SYT1: variants seen among roughly 807,000 people sequenced by gnomAD.
SYT1 encodes synaptotagmin 1.
A neutral mutation model predicts 44.8 loss-of-function variants in SYT1; 8 were observed. The ratio of observed to expected loss-of-function variants is 0.18; its 90% CI spans 0.10 to 0.32. The LOEUF is 0.32. SYT1 is among the 10% of genes least tolerant of loss of function. SYT1 has a pLI of 1.00. For missense variants in SYT1, 286 were observed against 509.3 expected (o/e 0.56, Z 4.22); for synonymous variants, 154 against 188.8 (o/e 0.82, Z 1.51).
At chr12:79,153,634 T>C (rs939855651) in intron 3 of SYT1, among the ~76,000 whole-genome samples, 6 of 152,162 alleles carry the variant, frequency 3.9e-5, no homozygotes, top group African/African-American at 1.2e-4. Context: ...CTTCTTACTA[T>C]AATGGTTATT....
chr12:78,897,560 G>A (rs1178349218), intron 1 of SYT1, among the ~76,000 whole-genome samples: 1 of 151,996 alleles, frequency 6.6e-6, no homozygotes, highest in Non-Finnish European at 1.5e-5. Context: ...CCTTTAAAAT[G>A]AATAGTCAGA....
At chr12:79,389,512 T>C (rs559676191) in intron 9 of SYT1, among the ~76,000 whole-genome samples, 46 of 152,202 alleles carry the variant, frequency 3.0e-4, no homozygotes, top group Non-Finnish European at 5.3e-4. Context: ...ACAGTAACCC[T>C]ATATGGTAGG....
intron 9 of SYT1, among the ~76,000 whole-genome samples, chr12:79,440,839 A>G (rs1593069256): frequency 6.6e-6 from 1 of 152,192 alleles, no homozygotes; most frequent in Admixed American, 6.5e-5. Context: ...ATTTCCATTT[A>G]GAGAACTCAA....
At chr12:79,360,243 T>A (rs1490906248) in intron 9 of SYT1, among the ~76,000 whole-genome samples, 1 of 152,164 alleles carries the variant, frequency 6.6e-6, no homozygotes, top group Non-Finnish European at 1.5e-5. Context: ...TTGCTTTATA[T>A]AATGGAATTT....
At chr12:79,149,496 A>G (rs1870130142) in intron 3 of SYT1, among the ~76,000 whole-genome samples, 1 of 152,184 alleles carries the variant, frequency 6.6e-6, no homozygotes, top group African/African-American at 2.4e-5. Flanking sequence ...ATTATCCCTA[A>G]CAATGTTTAG....
At chr12:78,897,397 A>ATTGGT (rs550853911) in intron 1 of SYT1, among the ~76,000 whole-genome samples, 1 of 151,940 alleles carries the variant, frequency 6.6e-6, no homozygotes, top group Non-Finnish European at 1.5e-5. Context: ...CAGAAGCTAG[A>ATTGGT]TTGTTTTGTT....
chr12:78,934,124 G>T (rs964209086), intron 1 of SYT1, among the ~76,000 whole-genome samples: 26 of 151,220 alleles, frequency 1.7e-4, no homozygotes, highest in African/African-American at 6.3e-4. Flanking sequence ...ATACATATGT[G>T]TGTGTATATA....
intron 5 of SYT1, 82 bp from the exon 6 acceptor site, chr12:79,291,926 G>A (rs1244125144): frequency 7.8e-6 from 12 of 1,540,500 alleles, no homozygotes; most frequent in Middle Eastern, 1.7e-4. Flanking sequence ...CGAACAGCTT[G>A]GAAGTGTAAC....
intron 1 of SYT1, among the ~76,000 whole-genome samples, chr12:78,941,055 C>CTTTTTTTTTCTTTTTTTTTTTT (rs1878328643): frequency 1.2e-5 from 1 of 86,020 alleles, no homozygotes; most frequent in African/African-American, 3.3e-5. Context: ...CTTTTTTTTT[C>CTTTTTTTTTCTTTTTTTTTTTT]TTTTTTTTTC....
chr12:79,166,032 A>G (rs939146559), intron 3 of SYT1, among the ~76,000 whole-genome samples: 2 of 152,022 alleles, frequency 1.3e-5, no homozygotes, highest in East Asian at 1.9e-4. Context: ...CAAACCAAAG[A>G]CAATAATCAA....
intron 1 of SYT1, among the ~76,000 whole-genome samples, chr12:78,948,663 A>G (rs1195623147): frequency 2.7e-5 from 4 of 150,224 alleles, no homozygotes; most frequent in African/African-American, 1.0e-4. Context: ...GGTTTGACTG[A>G]CAGTTTCTCA....
At chr12:79,278,162 A>T (rs1878839459) in intron 4 of SYT1, among the ~76,000 whole-genome samples, 1 of 152,066 alleles carries the variant, frequency 6.6e-6, no homozygotes. Flanking sequence ...GAACAAATGG[A>T]CCTAACAAAT....
chr12:79,430,769 G>A (rs538814322), intron 9 of SYT1, among the ~76,000 whole-genome samples: 1 of 152,288 alleles, frequency 6.6e-6, no homozygotes, highest in South Asian at 2.1e-4. Flanking sequence ...CTGGGCAACA[G>A]AGCAAGACTC....
At chr12:79,126,165 A>T (rs1016235398) in intron 3 of SYT1, among the ~76,000 whole-genome samples, 1 of 152,264 alleles carries the variant, frequency 6.6e-6, no homozygotes, top group Admixed American at 6.5e-5. Context: ...ATAAAAATTA[A>T]TATCAGCACA....
chr12:79,014,622 T>A lies in SYT1; in HGVS notation c.-83-32675T>A, dbSNP rs371986746. Reference sequence around the variant, plus strand: ...CTTTTACACTGTTGGTGGGACTGTATACTAGTTCAACCATGTGGAAGTCAG... The same window carrying A: ...CTTTTACACTGTTGGTGGGACTGTAAACTAGTTCAACCATGTGGAAGTCAG... On this transcript the variant is annotated intron_variant, in intron 2 of 10. Coordinates refer to ENST00000261205, the MANE Select transcript of SYT1 (RefSeq NM_005639.3). 2.3e-3 allele frequency among the ~76,000 whole-genome samples: 345 copies of A among 152,120 alleles called. 11 individuals carry two copies. The South Asian group carries it at 0.049, about 22-fold the overall frequency.
intron 7 of SYT1, 80 bp downstream of exon 7, chr12:79,296,316 C>A: frequency 7.2e-7 from 1 of 1,398,374 alleles, no homozygotes; most frequent in Non-Finnish European, 9.7e-7. Flanking sequence ...CATACATAGA[C>A]ATGCACATGA....
Position 79,444,065 on chromosome 12 carries a change from T to C in SYT1, c.929-8T>C, listed in dbSNP as rs200770806. 6.6e-5 allele frequency: 106 copies of C among 1,612,292 alleles called. No individual in the cohort carries two copies. The African/African-American group carries it at 1.3e-3, about 21-fold the overall frequency. On this transcript the variant is annotated splice_region_variant and splice_polypyrimidine_tract_variant and intron_variant, in intron 9 of 10. Transcript: ENST00000261205. ...TCTCCTAAAGTTTGTTTCCTGTTTT[T>C]CATTCAGATCCTTATGTGAAGATTC...
rs769159446 is a variant in SYT1, at chr12:79,296,252, T to A, written c.642+16T>A. On this transcript the variant is annotated intron_variant, in intron 7 of 10. Transcript: ENST00000261205. ...TACTTTCAAGGTATTTGTTAACATT[T>A]ATTTATAACCTTTCCTTTGTTGTTT... 3 of 1,609,036 alleles carry A rather than the reference T, an allele frequency of 1.9e-6. No homozygotes were observed. Among genetic ancestry groups the A allele is most frequent in the Non-Finnish European group, 1.7e-6 (2 of 1,177,566 alleles).
At position 79,163,370 on chromosome 12, in the gene SYT1, C is replaced by A. The variant is rs191766039; in HGVS notation, c.-17-54133C>A. ...CATCAATTTATCTGGCTCATGGGGGCCTTGCACTCCACATGGCTTCCTTTC... is the reference window on the plus strand; with the variant it reads ...CATCAATTTATCTGGCTCATGGGGGACTTGCACTCCACATGGCTTCCTTTC... On this transcript the variant is annotated intron_variant, in intron 3 of 10. Transcript: ENST00000261205. 1.3e-4 allele frequency among the ~76,000 whole-genome samples: 20 copies of A among 152,152 alleles called. No homozygotes were observed. The East Asian group carries it at 3.7e-3, about 28-fold the overall frequency.
Sources: allele counts gnomAD v4.1 joint callset (sites outside exome capture counted in the v4.1 genomes callset), GRCh38; gene constraint gnomAD v4.1.1; transcripts MANE v1.5; gene names NCBI Gene and HGNC (gene_info 2026-07-23, HGNC 2026-07-21).